Variants in ADK observed in about 807,000 individuals in gnomAD.
ADK encodes adenosine kinase, also known as N6,N6-dimethyladenosine kinase.
In ADK, 24 loss-of-function variants were observed where a neutral mutation model predicts 44.7. That is an observed-to-expected ratio of 0.54 (90% confidence interval 0.39 to 0.76). The LOEUF (loss-of-function observed/expected upper bound fraction) is 0.76. Ranked by LOEUF, ADK falls within the 30% of genes least tolerant of loss-of-function variation. ADK has a pLI of 0.00. For synonymous variants in ADK, 128 were observed against 142.6 expected (o/e 0.90, Z 0.73); for missense variants, 321 against 425.1 (o/e 0.76, Z 2.15).
intron 1 of ADK, among the ~76,000 whole-genome samples, chr10:74,187,165 G>A (rs995487812): frequency 6.6e-6 from 1 of 151,618 alleles, no homozygotes; most frequent in African/African-American, 2.4e-5. Flanking sequence ...CATGGTTTTT[G>A]TTTATATTTC....
At chr10:74,230,163 G>A (rs975954914) in intron 3 of ADK, among the ~76,000 whole-genome samples, 9 of 144,876 alleles carry the variant, frequency 6.2e-5, no homozygotes, top group Admixed American at 6.2e-4. Flanking sequence ...CCGACAGCAA[G>A]GTTAAATGCT....
intron 2 of ADK, among the ~76,000 whole-genome samples, chr10:74,203,982 A>C (rs897460316): frequency 7.5e-6 from 1 of 133,030 alleles, no homozygotes; most frequent in African/African-American, 2.9e-5. Context: ...TTGGAGACAG[A>C]ATCTTGCTCT....
chr10:74,413,639 A>T (rs1202354699), intron 6 of ADK, among the ~76,000 whole-genome samples: 1 of 152,240 alleles, frequency 6.6e-6, no homozygotes, highest in Admixed American at 6.5e-5. Context: ...AACTTTCTCC[A>T]TGTCAGCAAT....
intron 1 of ADK, among the ~76,000 whole-genome samples, chr10:74,193,413 C>T (rs765002340): frequency 6.6e-6 from 1 of 152,096 alleles, no homozygotes; most frequent in Non-Finnish European, 1.5e-5. Context: ...CCGCCTCCCC[C>T]CACCCCAGTG....
intron 9 of ADK, among the ~76,000 whole-genome samples, chr10:74,645,285 A>G (rs1444326287): frequency 6.6e-6 from 1 of 152,078 alleles, no homozygotes; most frequent in Non-Finnish European, 1.5e-5. Flanking sequence ...TATTTTTGCA[A>G]GTGTTTCAGT....
chr10:74,349,034 C>T (rs908295279), intron 4 of ADK, among the ~76,000 whole-genome samples: 2 of 151,944 alleles, frequency 1.3e-5, no homozygotes, highest in Non-Finnish European at 1.5e-5. Flanking sequence ...GCAAGACAGG[C>T]CAACACTCAA....
intron 1 of ADK, among the ~76,000 whole-genome samples, chr10:74,199,037 C>G (rs1221952701): frequency 1.3e-5 from 2 of 152,048 alleles, no homozygotes; most frequent in Admixed American, 6.5e-5. Context: ...AGTTACAAAT[C>G]GTTCTATAAA....
chr10:74,555,691 A>G lies in ADK; in HGVS notation c.726+30265A>G, dbSNP rs1850222294. On this transcript the variant is annotated intron_variant, in intron 7 of 10. Coordinates refer to ENST00000539909, the MANE Select transcript of ADK (RefSeq NM_006721.4). The stretch of plus-strand genomic sequence containing the variant: ...ATACTGTTATGAATATCTTATTAAA[A>G]TGCAAGACAATCAGAGACTGATCTA... Among the ~76,000 whole-genome samples the G allele has an allele frequency of 2.6e-5, 4 of 152,178 alleles. No individual in the cohort carries two copies. In the South Asian group the frequency reaches 8.3e-4, roughly 31 times the overall value.
At chr10:74,361,916 A>G (rs1008442996) in intron 4 of ADK, among the ~76,000 whole-genome samples, 2 of 152,226 alleles carry the variant, frequency 1.3e-5, no homozygotes, top group African/African-American at 4.8e-5. Context: ...GTTTCTGCTG[A>G]TAAGTCTGCT....
At chr10:74,213,784 C>G (rs1403913114) in intron 2 of ADK, among the ~76,000 whole-genome samples, 6 of 152,032 alleles carry the variant, frequency 3.9e-5, no homozygotes, top group Non-Finnish European at 1.5e-5. Flanking sequence ...AATCACAGTG[C>G]AAATATGGAG....
chr10:74,688,548 A>G (rs1855871269), intron 10 of ADK, among the ~76,000 whole-genome samples: 1 of 152,220 alleles, frequency 6.6e-6, no homozygotes. Flanking sequence ...GAGGTATATC[A>G]TAAGAAGGGG....
At chr10:74,182,056 C>G (rs182782542) in intron 1 of ADK, among the ~76,000 whole-genome samples, 1 of 152,274 alleles carries the variant, frequency 6.6e-6, no homozygotes, top group East Asian at 1.9e-4. Flanking sequence ...TATTTTCCTT[C>G]TAACACTCGA....
intron 4 of ADK, chr10:74,372,071 C>T: frequency 1.3e-6 from 1 of 757,504 alleles, no homozygotes; most frequent in Non-Finnish European, 2.4e-6. Context: ...GGATGCCAGC[C>T]CGGGAAGGTT....
At chr10:74,490,689 C>A (rs16931460) in intron 6 of ADK, among the ~76,000 whole-genome samples, 1 of 152,080 alleles carries the variant, frequency 6.6e-6, no homozygotes, top group South Asian at 2.1e-4. Flanking sequence ...CAATACCGTT[C>A]GTCTCTGCCT....
chr10:74,453,872 TAAG>T (rs199831275), intron 6 of ADK, among the ~76,000 whole-genome samples: 1,585 of 152,210 alleles, frequency 0.01, 16 homozygotes, highest in Non-Finnish European at 0.018. Flanking sequence ...TGGAGAATAA[TAAG>T]AATTGAATCT....
intron 3 of ADK, among the ~76,000 whole-genome samples, chr10:74,308,359 A>G (rs554264830): frequency 5.3e-5 from 8 of 152,346 alleles, no homozygotes; most frequent in East Asian, 3.9e-4. Context: ...TTAGTTTTGA[A>G]TAACTGTTAC....
intron 9 of ADK, among the ~76,000 whole-genome samples, chr10:74,640,023 A>G (rs562345017): frequency 6.6e-6 from 1 of 152,332 alleles, no homozygotes; most frequent in East Asian, 1.9e-4. Flanking sequence ...AAACATATAC[A>G]TTCAGCAACC....
intron 4 of ADK, among the ~76,000 whole-genome samples, chr10:74,384,971 A>G (rs138370104): frequency 9.8e-4 from 149 of 152,284 alleles, no homozygotes; most frequent in African/African-American, 3.3e-3. Flanking sequence ...GAAAAACAGA[A>G]CTAAAGGCAG....
At chr10:74,584,824 C>G (rs889625827) in intron 7 of ADK, among the ~76,000 whole-genome samples, 3 of 152,110 alleles carry the variant, frequency 2.0e-5, no homozygotes, top group Non-Finnish European at 4.4e-5. Flanking sequence ...GCTCCATTCC[C>G]CCTTGGCTTG....
Sources: gnomAD v4.1 joint callset for allele counts (sites outside exome capture counted in the v4.1 genomes callset) on GRCh38, gnomAD v4.1.1 for gene constraint, MANE v1.5 for transcripts, NCBI Gene and HGNC (gene_info 2026-07-23, HGNC 2026-07-21) for gene names.